Variants in OXCT1 observed in about 807,000 individuals in gnomAD.
OXCT1 encodes the protein succinyl-CoA:3-ketoacid coenzyme A transferase 1, mitochondrial.
Under a neutral mutation model 69.6 loss-of-function variants are expected in OXCT1, and 27 were observed. The observed-to-expected ratio is 0.39, with a 90% CI of 0.29 to 0.54. OXCT1 has a LOEUF of 0.54. Ranked by LOEUF, OXCT1 falls within the 20% of genes least tolerant of loss-of-function variation. The pLI is 0.72. For synonymous variants in OXCT1, 202 were observed against 217.8 expected, an observed-to-expected ratio of 0.93 and a Z score of 0.64; for missense variants, 437 against 650.2, an observed-to-expected ratio of 0.67 and a Z score of 3.57.
chr5:41,791,523 A>G (rs1745916263), intron 13 of OXCT1, among the ~76,000 whole-genome samples: 1 of 152,238 alleles, frequency 6.6e-6, no homozygotes, highest in African/African-American at 2.4e-5. Flanking sequence ...ACAAATAACT[A>G]CATAGTGTAC....
intron 13 of OXCT1, among the ~76,000 whole-genome samples, chr5:41,782,211 A>ATGT (rs1459778766): frequency 1.4e-5 from 2 of 145,886 alleles, no homozygotes; most frequent in Non-Finnish European, 3.0e-5. Context: ...ATGATCAGTG[A>ATGT]TGTTGAGCTT....
At chr5:41,863,763 A>G (rs1034746077) in intron 1 of OXCT1, among the ~76,000 whole-genome samples, 1 of 152,224 alleles carries the variant, frequency 6.6e-6, no homozygotes, top group Non-Finnish European at 1.5e-5. Flanking sequence ...TTAATCAACA[A>G]GTATTTACTG....
At chr5:41,747,465 G>A (rs950659179) in intron 15 of OXCT1, among the ~76,000 whole-genome samples, 1 of 152,106 alleles carries the variant, frequency 6.6e-6, no homozygotes, top group South Asian at 2.1e-4. Context: ...GATAAACAAT[G>A]GTGAGCCAGA....
intron 7 of OXCT1, among the ~76,000 whole-genome samples, chr5:41,815,978 G>A (rs1020348313): frequency 1.3e-5 from 2 of 152,148 alleles, no homozygotes; most frequent in African/African-American, 4.8e-5. Flanking sequence ...TCATAGTGCA[G>A]GAACACAATA....
chr5:41,848,466 G>T (rs376015434), intron 5 of OXCT1, among the ~76,000 whole-genome samples: 14,569 of 129,546 alleles, frequency 0.11, 912 homozygotes, highest in Middle Eastern at 0.21. Flanking sequence ...AAAAGAGCCC[G>T]CATCGCCAAG....
intron 14 of OXCT1, among the ~76,000 whole-genome samples, chr5:41,753,185 C>T (rs1292907932): frequency 1.3e-5 from 2 of 152,008 alleles, no homozygotes; most frequent in Non-Finnish European, 2.9e-5. Context: ...AATACATTCA[C>T]CTGAAATCTT....
chr5:41,734,945 T>C (rs1044225601), intron 16 of OXCT1, among the ~76,000 whole-genome samples: 3 of 152,096 alleles, frequency 2.0e-5, no homozygotes, highest in Non-Finnish European at 4.4e-5. Context: ...AAACAGAAGA[T>C]AACTGTTGGC....
At chr5:41,747,095 C>T (rs1743531968) in intron 15 of OXCT1, among the ~76,000 whole-genome samples, 1 of 152,028 alleles carries the variant, frequency 6.6e-6, no homozygotes, top group Non-Finnish European at 1.5e-5. Context: ...TATTGTGTCC[C>T]CAGCCTTAAA....
chr5:41,787,076 A>C (rs1171244726), intron 13 of OXCT1, among the ~76,000 whole-genome samples: 1 of 152,226 alleles, frequency 6.6e-6, no homozygotes, highest in African/African-American at 2.4e-5. Context: ...AAAAGCTGAT[A>C]CCAGTGTTGG....
chr5:41,766,340 A>G lies in OXCT1; in HGVS notation c.1249-4140T>C, dbSNP rs754079569. 5.3e-5 allele frequency among the ~76,000 whole-genome samples: 8 copies of G among 152,260 alleles called. No homozygotes were observed. In the East Asian group the frequency reaches 7.7e-4, roughly 15 times the overall value. ...AAGTATCCTCAATTCACAAGTATTTACTCAGAATCTATTATAAACCAGGCA... is the reference window on the plus strand; with the variant it reads ...AAGTATCCTCAATTCACAAGTATTTGCTCAGAATCTATTATAAACCAGGCA... On this transcript the variant is annotated intron_variant, in intron 13 of 16. Transcript: ENST00000196371.
At chr5:41,749,251 T>C (rs953606306) in intron 15 of OXCT1, among the ~76,000 whole-genome samples, 2 of 152,082 alleles carry the variant, frequency 1.3e-5, no homozygotes, top group African/African-American at 4.8e-5. Context: ...GACACTGTAA[T>C]AGTCAAAATA....
chr5:41,842,804 C>A (rs1361200273), intron 5 of OXCT1, 23 bp from the exon 6 acceptor site: 1 of 1,469,208 alleles, frequency 6.8e-7, no homozygotes. Flanking sequence ...GAGAAGGCAT[C>A]ATCAGGTATT....
chr5:41,830,265 G>C (rs1748032068), intron 7 of OXCT1, among the ~76,000 whole-genome samples: 1 of 152,158 alleles, frequency 6.6e-6, no homozygotes, highest in South Asian at 2.1e-4. Context: ...ATAGTATTCT[G>C]CCGAAGGACT....
At chr5:41,770,910 T>C (rs1744844947) in intron 13 of OXCT1, among the ~76,000 whole-genome samples, 1 of 152,200 alleles carries the variant, frequency 6.6e-6, no homozygotes, top group African/African-American at 2.4e-5. Flanking sequence ...AAACTATCTA[T>C]ACTAGTTCAT....
At chr5:41,787,901 A>T (rs1205345630) in intron 13 of OXCT1, among the ~76,000 whole-genome samples, 1 of 152,068 alleles carries the variant, frequency 6.6e-6, no homozygotes, top group Non-Finnish European at 1.5e-5. Flanking sequence ...ACATCAAAGG[A>T]TGTCCTTCAA....
intron 13 of OXCT1, among the ~76,000 whole-genome samples, chr5:41,791,889 C>T (rs1243578624): frequency 6.6e-6 from 1 of 152,060 alleles, no homozygotes; most frequent in Non-Finnish European, 1.5e-5. Flanking sequence ...CTGCAAGCTC[C>T]GCCTCCCGGG....
chr5:41,748,468 G>A (rs796148787), intron 15 of OXCT1, among the ~76,000 whole-genome samples: 2 of 151,984 alleles, frequency 1.3e-5, no homozygotes, highest in South Asian at 4.1e-4. Context: ...TAAAGTAATG[G>A]ATTCTTTTCA....
chr5:41,813,042 A>G (rs1384773969), intron 7 of OXCT1, among the ~76,000 whole-genome samples: 1 of 152,066 alleles, frequency 6.6e-6, no homozygotes, highest in African/African-American at 2.4e-5. Flanking sequence ...TAAGTCTTCC[A>G]CCCAATTAAA....
At chr5:41,794,136 G>GC in intron 12 of OXCT1, 58 bp from the exon 13 acceptor site, 2 of 1,262,326 alleles carry the variant, frequency 1.6e-6, no homozygotes, top group Non-Finnish European at 2.3e-6. Context: ...CCCTTTGCTT[G>GC]AACTTGCCAG....
Sources: gnomAD v4.1 joint callset for allele counts (sites outside exome capture counted in the v4.1 genomes callset) on GRCh38, gnomAD v4.1.1 for gene constraint, MANE v1.5 for transcripts, NCBI Gene and HGNC (gene_info 2026-07-23, HGNC 2026-07-21) for gene names.